Variants in TPPP3 observed in about 807,000 individuals in gnomAD.
The protein encoded by TPPP3 is tubulin polymerization promoting protein family member 3.
In TPPP3, 7 loss-of-function variants were observed where a neutral mutation model predicts 13.1. The observed-to-expected ratio is 0.54, with a 90% CI of 0.30 to 1.01. TPPP3 has a LOEUF of 1.01. TPPP3 is among the 50% of genes least tolerant of loss of function. TPPP3 has a pLI of 0.06. For missense variants in TPPP3, 185 were observed against 235.0 expected, an observed-to-expected ratio of 0.79 and a Z score of 1.39; for synonymous variants, 87 against 93.7, an observed-to-expected ratio of 0.93 and a Z score of 0.41.
Position 67,390,322 on chromosome 16 carries a change from G to A in TPPP3, c.383C>T (p.Thr128Ile), listed in dbSNP as rs1045364955. 1 of 1,614,060 alleles carries A rather than the reference G, an allele frequency of 6.2e-7. No individual in the cohort carries two copies. Among genetic ancestry groups the A allele is most frequent in the Non-Finnish European group, 8.5e-7 (1 of 1,180,026 alleles). Residue 128 changes from threonine to isoleucine, a missense_variant, in exon 4 of 4, where the codon ACC becomes ATC. Coordinates refer to ENST00000393957, the MANE Select transcript of TPPP3 (RefSeq NM_015964.4). The surrounding 1 kb of genome is among the most constrained non-coding windows in gnomAD (Gnocchi z 6.4). ...TGGAVDRLTDTSRYTGSHKER... is the reference protein window; with the variant it reads ...TGGAVDRLTDISRYTGSHKER... ...CTTGTGGGAGCCCGTGTATCTGCTG[G>A]TGTCCGTCAGCCGGTCTACAGCACC...
In TPPP3 at chr16:67,390,841, C is replaced by T; in HGVS notation, c.188+83G>A. On this transcript the variant is annotated intron_variant, in intron 2 of 3. Transcript: ENST00000393957. The surrounding 1 kb of genome is among the most constrained non-coding windows in gnomAD (Gnocchi z 6.4). ...TCGTGATCATGGTGTTTCCCTGACC[C>T]CTTCTTGATGTCCTCCCTGGTTCCA... The T allele has an allele frequency of 1.3e-6, 2 of 1,488,788 alleles. No individual in the cohort carries two copies. The highest frequency in any genetic ancestry group is 1.8e-6 in the Non-Finnish European group (2 of 1,097,720). The allele number at this position is 1,488,788 out of a possible 1,614,324, so 92.2% of individuals were successfully genotyped here.
rs376502272 is a variant in TPPP3, at chr16:67,390,459, G to A, written c.342+20C>T. 2.6e-4 allele frequency: 426 copies of A among 1,607,790 alleles called. 1 individual carries two copies. Among genetic ancestry groups the A allele is most frequent in the Non-Finnish European group, 3.5e-4 (407 of 1,176,630 alleles). The stretch of plus-strand genomic sequence containing the variant: ...CCCACACCCCATTCCGTGGCCACCC[G>A]AGACCAGCAGGGCACTTACAGTGAC... On this transcript the variant is annotated intron_variant, in intron 3 of 3. Transcript: ENST00000393957. The surrounding 1 kb of genome is among the most constrained non-coding windows in gnomAD (Gnocchi z 6.4).
Position 67,391,240 on chromosome 16 carries a change from C to T in TPPP3, c.-6-123G>A. On this transcript the variant is annotated intron_variant, in intron 1 of 3. Transcript: ENST00000393957. This position sits in a 1 kb window ranked among gnomAD's most constrained non-coding sequence, Gnocchi z 6.3. ...GGCAGGTTCTGCTACAGAGTTGGTGCTGGAGCTGCCTGGGGAGAGGGGCCC... is the reference window on the plus strand; with the variant it reads ...GGCAGGTTCTGCTACAGAGTTGGTGTTGGAGCTGCCTGGGGAGAGGGGCCC... 5 of 1,007,060 alleles carry T rather than the reference C, an allele frequency of 5.0e-6. No individual in the cohort carries two copies. Among genetic ancestry groups the T allele is most frequent in the Non-Finnish European group, 7.2e-6 (5 of 695,678 alleles). 62.4% of individuals were successfully genotyped at this position (1,007,060 alleles called of 1,614,324 possible).
Position 67,390,818 on chromosome 16 carries a change from G to T in TPPP3, c.188+106C>A. The T allele has an allele frequency of 7.0e-7, 1 of 1,419,224 alleles. No homozygotes were observed. The allele number at this position is 1,419,224 out of a possible 1,614,324, so 87.9% of individuals were successfully genotyped here. ...GGTTTGCCCTGGAAGAACGACCTTC[G>T]TGATCATGGTGTTTCCCTGACCCCT... On this transcript the variant is annotated intron_variant, in intron 2 of 3. Coordinates refer to ENST00000393957, the MANE Select transcript of TPPP3 (RefSeq NM_015964.4). This position sits in a 1 kb window ranked among gnomAD's most constrained non-coding sequence, Gnocchi z 6.4.
In TPPP3 at chr16:67,390,965, G is replaced by A. The variant is rs773788525; in HGVS notation, c.147C>T (p.Ser49=). Residue 49 remains serine (S), a synonymous_variant, in exon 2 of 4, where the codon TCC becomes TCT. Coordinates refer to ENST00000393957, the MANE Select transcript of TPPP3 (RefSeq NM_015964.4). The surrounding 1 kb of genome is among the most constrained non-coding windows in gnomAD (Gnocchi z 6.4). ...CKDCKVADGK[S]VTGTDVDIVF... ...CGATGTCCACATCGGTCCCTGTCAC[G>A]GACTTTCCGTCAGCCACCTTGCAGT... 25 of 1,614,058 alleles carry A rather than the reference G, an allele frequency of 1.5e-5. No individual in the cohort carries two copies. The highest frequency in any genetic ancestry group is 4.5e-5 in the East Asian group (2 of 44,890).
rs939483561 is a variant in TPPP3, at chr16:67,391,169, C to A, written c.-6-52G>T. On this transcript the variant is annotated intron_variant, in intron 1 of 3. Transcript: ENST00000393957. This position sits in a 1 kb window ranked among gnomAD's most constrained non-coding sequence, Gnocchi z 6.3. Reference sequence around the variant, plus strand: ...CCAGCCAATCTGCCCTTCCCCTCCCCCAAGCCCAGAACATCCCAGCCTCTA... The same window carrying A: ...CCAGCCAATCTGCCCTTCCCCTCCCACAAGCCCAGAACATCCCAGCCTCTA... 5.1e-6 allele frequency: 8 copies of A among 1,572,902 alleles called. No individual in the cohort carries two copies. Among genetic ancestry groups the A allele is most frequent in the Middle Eastern group, 1.7e-4 (1 of 5,948 alleles).
chr16:67,390,568 TG>T lies in TPPP3; in HGVS notation c.252del (p.Lys85ArgfsTer38), dbSNP rs2040314669. On this transcript the variant is annotated frameshift_variant, in exon 3 of 4. Coordinates refer to ENST00000393957, the MANE Select transcript of TPPP3 (RefSeq NM_015964.4). LOFTEE classifies it high-confidence loss of function. The surrounding 1 kb of genome is among the most constrained non-coding windows in gnomAD (Gnocchi z 6.4). ...TCCTTGCTCTTCCCCTTGAATCTCT[TG>T]GTCGCCAGCTCTTCCAGGGCCTTCT... ...EFKKALEELA[T>X]KRFKGKSKEE... The T allele has an allele frequency of 6.2e-7, 1 of 1,614,050 alleles. No homozygotes were observed. The highest frequency in any genetic ancestry group is 8.5e-7 in the Non-Finnish European group (1 of 1,180,024).
At position 67,393,399 on chromosome 16, in the gene TPPP3, T is replaced by C. The variant is rs778259524; in HGVS notation, c.-26A>G. On this transcript the variant is annotated 5_prime_UTR_variant, in exon 1 of 4. Transcript: ENST00000393957. The surrounding 1 kb of genome is among the most constrained non-coding windows in gnomAD (Gnocchi z 5.4). ...TTCTACCTCGCGGCTGCTCCTGAAG[T>C]GTGCGTTCGGAAGGACAGAACGACG... 10 of 985,546 alleles carry C rather than the reference T, an allele frequency of 1.0e-5. No homozygotes were observed. The highest frequency in any genetic ancestry group is 1.1e-5 in the Non-Finnish European group (9 of 830,020). 61.1% of individuals were successfully genotyped at this position (985,546 alleles called of 1,614,324 possible).
In TPPP3 at chr16:67,393,492, T is replaced by G; in HGVS notation, c.-119A>C. The G allele has an allele frequency of 1.0e-6, 1 of 985,396 alleles. No homozygotes were observed. Among genetic ancestry groups the G allele is most frequent in the Non-Finnish European group, 1.2e-6 (1 of 830,002 alleles). 61.0% of individuals were successfully genotyped at this position (985,396 alleles called of 1,614,324 possible). ...GCTCCGCTCCCTGCCGGCTCCCGGG[T>G]GGGACTGCAGCCCAGGCGGCTCCGC... On this transcript the variant is annotated 5_prime_UTR_variant, in exon 1 of 4. Transcript: ENST00000393957. The surrounding 1 kb of genome is among the most constrained non-coding windows in gnomAD (Gnocchi z 5.4).
In TPPP3 at chr16:67,390,033, C is replaced by T; in HGVS notation, c.*141G>A. 1.1e-6 allele frequency: 1 copy of T among 902,358 alleles called. No homozygotes were observed. Among genetic ancestry groups the T allele is most frequent in the South Asian group, 1.7e-5 (1 of 57,320 alleles). The allele number at this position is 902,358 out of a possible 1,614,324, so 55.9% of individuals were successfully genotyped here. On this transcript the variant is annotated 3_prime_UTR_variant, in exon 4 of 4. Transcript: ENST00000393957. This position sits in a 1 kb window ranked among gnomAD's most constrained non-coding sequence, Gnocchi z 6.4. ...CTGGGTCAGAGGCCTGGTGGGCCAG[C>T]CCAGTGGGACTAGGCAGGAAGCTCT...
Position 67,392,467 on chromosome 16 carries a change from C to A in TPPP3, c.-7+913G>T, listed in dbSNP as rs191099702. Among the ~76,000 whole-genome samples the A allele has an allele frequency of 6.6e-6, 1 of 152,120 alleles. No homozygotes were observed. Among genetic ancestry groups the A allele is most frequent in the African/African-American group, 2.4e-5 (1 of 41,488 alleles). On this transcript the variant is annotated intron_variant, in intron 1 of 3. Coordinates refer to ENST00000393957, the MANE Select transcript of TPPP3 (RefSeq NM_015964.4). The surrounding 1 kb of genome is among the most constrained non-coding windows in gnomAD (Gnocchi z 4.9). The stretch of plus-strand genomic sequence containing the variant: ...CCCTGACCATAGCCTCAGCCACTCA[C>A]CCCCTCCAATACCCGCAGCCCTTTA...
chr16:67,390,063 G>A lies in TPPP3; in HGVS notation c.*111C>T. The stretch of plus-strand genomic sequence containing the variant: ...TGGGACTAGGCAGGAAGCTCTGGGT[G>A]GCAGGTCCAGCAGGGAGGGGACCAG... On this transcript the variant is annotated 3_prime_UTR_variant, in exon 4 of 4. Transcript: ENST00000393957. This position sits in a 1 kb window ranked among gnomAD's most constrained non-coding sequence, Gnocchi z 6.4. The A allele has an allele frequency of 5.0e-6, 6 of 1,195,212 alleles. No individual in the cohort carries two copies. The highest frequency in any genetic ancestry group is 7.0e-6 in the Non-Finnish European group (6 of 860,550). The allele number at this position is 1,195,212 out of a possible 1,614,324, so 74.0% of individuals were successfully genotyped here.
chr16:67,390,243 G>A lies in TPPP3; in HGVS notation c.462C>T (p.Ile154=), dbSNP rs1301532915. The change falls in exon 4 of 4, where the codon ATC becomes ATT. Residue 154 remains isoleucine (I), a synonymous_variant. Coordinates refer to ENST00000393957, the MANE Select transcript of TPPP3 (RefSeq NM_015964.4). The surrounding 1 kb of genome is among the most constrained non-coding windows in gnomAD (Gnocchi z 6.4). ...CGCTCACGTAGCCACTGTCGTCCAG[G>A]ATGTCCTGCCGTCCCGCAATGCCCT... ...KGKGIAGRQD[I]LDDSGYVSAY... is the part of the protein sequence containing the mutation. The A allele has an allele frequency of 3.1e-6, 5 of 1,614,122 alleles. No homozygotes were observed. The African/African-American group carries it at 4.0e-5, about 13-fold the overall frequency.
At position 67,391,553 on chromosome 16, in the gene TPPP3, G is replaced by A. The variant is rs543800438; in HGVS notation, c.-6-436C>T. The A allele has an allele frequency of 1.4e-4, 25 of 181,694 alleles. No individual in the cohort carries two copies. The highest frequency in any genetic ancestry group is 2.4e-4 in the South Asian group (2 of 8,228). The allele number at this position is 181,694 out of a possible 1,614,324, so 11.3% of individuals were successfully genotyped here. A position where few individuals can be genotyped will look rare whatever the true frequency, so the allele number is the denominator to read the frequency against. ...TTGGGGCCAGGCCAGGCTGCTGGTCGGGCAGGCATTCAGTGAGGACAGCAT... is the reference window on the plus strand; with the variant it reads ...TTGGGGCCAGGCCAGGCTGCTGGTCAGGCAGGCATTCAGTGAGGACAGCAT... On this transcript the variant is annotated intron_variant, in intron 1 of 3. Transcript: ENST00000393957. The surrounding 1 kb of genome is among the most constrained non-coding windows in gnomAD (Gnocchi z 6.3).
chr16:67,390,687 GAAAGCTC>G lies in TPPP3; in HGVS notation c.189-62_189-56del. On this transcript the variant is annotated intron_variant, in intron 2 of 3. Transcript: ENST00000393957. This position sits in a 1 kb window ranked among gnomAD's most constrained non-coding sequence, Gnocchi z 6.4. ...CCCCTTTCTTTTTTCTCCCCCAGGG[GAAAGCTC>G]AAACACATTTGCTGCCACCACAAAT... 2.6e-6 allele frequency: 4 copies of G among 1,566,180 alleles called. No homozygotes were observed. The highest frequency in any genetic ancestry group is 3.4e-6 in the Non-Finnish European group (4 of 1,162,090).
chr16:67,390,070 C>T lies in TPPP3; in HGVS notation c.*104G>A. On this transcript the variant is annotated 3_prime_UTR_variant, in exon 4 of 4. Coordinates refer to ENST00000393957, the MANE Select transcript of TPPP3 (RefSeq NM_015964.4). The surrounding 1 kb of genome is among the most constrained non-coding windows in gnomAD (Gnocchi z 6.4). Reference sequence around the variant, plus strand: ...AGGCAGGAAGCTCTGGGTGGCAGGTCCAGCAGGGAGGGGACCAGGATCTCT... The same window carrying T: ...AGGCAGGAAGCTCTGGGTGGCAGGTTCAGCAGGGAGGGGACCAGGATCTCT... The T allele has an allele frequency of 7.7e-7, 1 of 1,292,118 alleles. No individual in the cohort carries two copies. The highest frequency in any genetic ancestry group is 1.1e-6 in the Non-Finnish European group (1 of 941,350). The allele number at this position is 1,292,118 out of a possible 1,614,324, so 80.0% of individuals were successfully genotyped here.
Position 67,390,770 on chromosome 16 carries a change from A to G in TPPP3, c.189-138T>C, listed in dbSNP as rs376275322. ...TTTGGGGAAGTCGCAGGGGTCAGCA[A>G]CTCTGGAGGGCAATAGATATAAGGT... On this transcript the variant is annotated intron_variant, in intron 2 of 3. Transcript: ENST00000393957. The surrounding 1 kb of genome is among the most constrained non-coding windows in gnomAD (Gnocchi z 6.4). 14 of 1,424,822 alleles carry G rather than the reference A, an allele frequency of 9.8e-6. No individual in the cohort carries two copies. The highest frequency in any genetic ancestry group is 4.7e-5 in the East Asian group (2 of 42,294). 88.3% of individuals were successfully genotyped at this position (1,424,822 alleles called of 1,614,324 possible). A position where few individuals can be genotyped will look rare whatever the true frequency, so the allele number is the denominator to read the frequency against.
Position 67,390,271 on chromosome 16 carries a change from C to T in TPPP3, c.434G>A (p.Gly145Asp). 1 of 1,614,246 alleles carries T rather than the reference C, an allele frequency of 6.2e-7. No individual in the cohort carries two copies. The highest frequency in any genetic ancestry group is 8.5e-7 in the Non-Finnish European group (1 of 1,180,036). The stretch of plus-strand genomic sequence containing the variant: ...GTCCTGCCGTCCCGCAATGCCCTTG[C>T]CCTTGCCGCTCTCATCGAAGCGCTC... The part of the protein sequence containing the change: ...HKERFDESGK[G>D]KGIAGRQDIL... The change falls in exon 4 of 4, where the codon GGC becomes GAC. Residue 145 changes from glycine to aspartate, a missense_variant. Coordinates refer to ENST00000393957, the MANE Select transcript of TPPP3 (RefSeq NM_015964.4). This position sits in a 1 kb window ranked among gnomAD's most constrained non-coding sequence, Gnocchi z 6.4.
In TPPP3 at chr16:67,391,095, T is replaced by C. The variant is rs1470871940; in HGVS notation, c.17A>G (p.Asp6Gly). Residue 6 changes from aspartate (D) to glycine (G), a missense_variant, in exon 2 of 4, where the codon GAC becomes GGC. Transcript: ENST00000393957. This position sits in a 1 kb window ranked among gnomAD's most constrained non-coding sequence, Gnocchi z 6.3. Reference protein sequence around the residue: MAASTDMAGLEESFRK... With the variant: MAASTGMAGLEESFRK... ...GAAGCTCTCCTCCAGCCCAGCCATG[T>C]CTGTGCTCGCTGCCATGCCACCCTA... 6.2e-7 allele frequency: 1 copy of C among 1,614,152 alleles called. No individual in the cohort carries two copies. The highest frequency in any genetic ancestry group is 1.1e-5 in the South Asian group (1 of 91,088).
Sources: gnomAD v4.1 joint callset for allele counts (sites outside exome capture counted in the v4.1 genomes callset) on GRCh38, gnomAD v4.1.1 for gene constraint, Gnocchi (gnomAD v3.1) non-coding constraint, MANE v1.5 for transcripts, NCBI Gene and HGNC (gene_info 2026-07-23, HGNC 2026-07-21) for gene names.